Variants in SLC22A15 observed in about 807,000 individuals in gnomAD.
The protein encoded by SLC22A15 is solute carrier family 22 member 15, also known as flipt 1.
SLC22A15 carries 45 observed loss-of-function variants against 62.7 expected under a neutral mutation model. The observed-to-expected ratio is 0.72, with a 90% CI of 0.56 to 0.92. The LOEUF (loss-of-function observed/expected upper bound fraction) is 0.92. Ranked by LOEUF, SLC22A15 falls within the 40% of genes least tolerant of loss-of-function variation. The pLI, the probability that SLC22A15 is intolerant of heterozygous loss-of-function variation, is 0.00. For synonymous variants in SLC22A15, 264 were observed against 267.0 expected, an observed-to-expected ratio of 0.99 and a Z score of 0.11; for missense variants, 622 against 665.6, an observed-to-expected ratio of 0.93 and a Z score of 0.72.
In SLC22A15 at chr1:116,046,778, C is replaced by G. The variant is rs1053835678; in HGVS notation, c.1171+9390C>G. Among the ~76,000 whole-genome samples the G allele has an allele frequency of 1.7e-4, 26 of 152,330 alleles. 1 individual carries two copies. The highest frequency in any genetic ancestry group is 5.9e-4 in the Admixed American group (9 of 15,298). On this transcript the variant is annotated intron_variant, in intron 8 of 11. Transcript: ENST00000369503. ...ATCCTCCTCTCCTGAACACATACCC[C>G]CACTGGAGAAACTGCAGGAGAAGTT... is the stretch of plus-strand genomic sequence containing the variant.
intron 5 of SLC22A15, among the ~76,000 whole-genome samples, chr1:116,027,927 A>T (rs1158543143): frequency 6.6e-6 from 1 of 152,150 alleles, no homozygotes; most frequent in Non-Finnish European, 1.5e-5. Flanking sequence ...GCCTGGCAGA[A>T]TTTTTTAAGT....
Position 116,035,299 on chromosome 1 carries a change from C to T in SLC22A15, c.1057C>T (p.Leu353Phe). The T allele has an allele frequency of 1.2e-6, 2 of 1,612,800 alleles. No homozygotes were observed. Among genetic ancestry groups the T allele is most frequent in the African/African-American group, 1.3e-5 (1 of 74,962 alleles). ...SGLIEIPSYP[L>F]CIYLINQKWF... The stretch of plus-strand genomic sequence containing the variant: ...CCTCATAGAGATTCCATCTTACCCT[C>T]TCTGTATCTACTTGATTAACCAAAA... Residue 353 changes from leucine (L) to phenylalanine (F), a missense_variant, in exon 7 of 12, where the codon CTC becomes TTC. Leu to Phe is a conservative substitution (Grantham distance 22, BLOSUM62 0). Transcript: ENST00000369503.
intron 2 of SLC22A15, among the ~76,000 whole-genome samples, chr1:116,002,017 G>T (rs1655762209): frequency 6.6e-6 from 1 of 152,166 alleles, no homozygotes; most frequent in African/African-American, 2.4e-5. Context: ...TGAGTGTTAT[G>T]ATCTAAGTTT....
chr1:116,024,684 T>C (rs933619399), intron 4 of SLC22A15, among the ~76,000 whole-genome samples: 1 of 152,208 alleles, frequency 6.6e-6, no homozygotes, highest in Non-Finnish European at 1.5e-5. Flanking sequence ...GCGTTGAAGA[T>C]GCCCAGAACC....
At chr1:116,046,749 G>A (rs1446473845) in intron 8 of SLC22A15, among the ~76,000 whole-genome samples, 4 of 152,154 alleles carry the variant, frequency 2.6e-5, no homozygotes, top group Non-Finnish European at 5.9e-5. Flanking sequence ...AGTGGGAAAG[G>A]GAGATCCTCC....
chr1:116,062,165 C>T (rs949313233), intron 8 of SLC22A15, among the ~76,000 whole-genome samples: 3 of 152,074 alleles, frequency 2.0e-5, no homozygotes, highest in Admixed American at 1.3e-4. Flanking sequence ...GGTGAGATCG[C>T]GCTGTGGCAC....
chr1:116,023,751 C>T (rs1656954945), intron 4 of SLC22A15, among the ~76,000 whole-genome samples: 1 of 152,020 alleles, frequency 6.6e-6, no homozygotes, highest in African/African-American at 2.4e-5. Context: ...TGGGGAGTAA[C>T]TATATTAAAT....
intron 8 of SLC22A15, among the ~76,000 whole-genome samples, chr1:116,052,052 G>C (rs933070713): frequency 6.6e-6 from 1 of 152,206 alleles, no homozygotes; most frequent in Non-Finnish European, 1.5e-5. Flanking sequence ...GACAGTGGGC[G>C]CAGGACAGTG....
chr1:116,062,887 G>A lies in SLC22A15; in HGVS notation c.1292+5G>A, dbSNP rs1165852502. 1.9e-6 allele frequency: 3 copies of A among 1,613,000 alleles called. No individual in the cohort carries two copies. Among genetic ancestry groups the A allele is most frequent in the South Asian group, 1.1e-5 (1 of 91,054 alleles). On this transcript the variant is annotated splice_donor_5th_base_variant and intron_variant, in intron 9 of 11. Coordinates refer to ENST00000369503, the MANE Select transcript of SLC22A15 (RefSeq NM_018420.3). ...GCTTTACCCTACAGTCATCAGGTACGTGTCTCACACAGCCTCATTCTTCAC... is the reference window on the plus strand; with the variant it reads ...GCTTTACCCTACAGTCATCAGGTACATGTCTCACACAGCCTCATTCTTCAC...
chr1:115,985,945 CA>C (rs35381675), intron 1 of SLC22A15, among the ~76,000 whole-genome samples: 36,261 of 113,974 alleles, frequency 0.32, 4,730 homozygotes, highest in East Asian at 0.54. Flanking sequence ...GACTCCATCT[CA>C]AAAAAAAAAA....
chr1:116,061,673 G>A (rs1658381893), intron 8 of SLC22A15, among the ~76,000 whole-genome samples: 1 of 142,118 alleles, frequency 7.0e-6, no homozygotes, highest in Non-Finnish European at 1.5e-5. Flanking sequence ...AAGGGGAGAG[G>A]TTAAACTTTT....
intron 4 of SLC22A15, among the ~76,000 whole-genome samples, chr1:116,024,298 G>T (rs1451713974): frequency 6.6e-6 from 1 of 152,146 alleles, no homozygotes; most frequent in African/African-American, 2.4e-5. Flanking sequence ...AGACTTCATG[G>T]TCTGTATTTG....
intron 8 of SLC22A15, among the ~76,000 whole-genome samples, chr1:116,052,052 G>T (rs933070713): frequency 6.6e-6 from 1 of 152,206 alleles, no homozygotes; most frequent in South Asian, 2.1e-4. Context: ...GACAGTGGGC[G>T]CAGGACAGTG....
At chr1:115,991,831 T>C (rs941710051) in intron 1 of SLC22A15, among the ~76,000 whole-genome samples, 200 bp from the exon 2 acceptor site, 2 of 152,242 alleles carry the variant, frequency 1.3e-5, no homozygotes, top group African/African-American at 4.8e-5. Flanking sequence ...CAAGTGGGAT[T>C]GCCAATGATT....
intron 4 of SLC22A15, among the ~76,000 whole-genome samples, chr1:116,025,846 T>C (rs1041980409): frequency 6.6e-6 from 1 of 152,202 alleles, no homozygotes; most frequent in East Asian, 1.9e-4. Context: ...GTGGCACTTA[T>C]AGAAAGTGTG....
chr1:116,043,417 C>T lies in SLC22A15; in HGVS notation c.1171+6029C>T, dbSNP rs367827513. ...CTCTAGCCTGGGTGAAAGAGTGAGA[C>T]TGTGTCTCAAAAAAATATAAAGTAT... On this transcript the variant is annotated intron_variant, in intron 8 of 11. Coordinates refer to ENST00000369503, the MANE Select transcript of SLC22A15 (RefSeq NM_018420.3). 1.1e-3 allele frequency among the ~76,000 whole-genome samples: 169 copies of T among 152,056 alleles called. 4 individuals carry two copies. In the South Asian group the frequency reaches 0.033, roughly 30 times the overall value.
rs1655162000 is a variant in SLC22A15 at position 115,992,015 on chromosome 1, G to A, written c.88-16G>A. ...AAATATCTGCAGTGTTTGGTTCTGTGTGTTTGCTCTTTCAGCTCTACGTGG... is the reference window on the plus strand; with the variant it reads ...AAATATCTGCAGTGTTTGGTTCTGTATGTTTGCTCTTTCAGCTCTACGTGG... On this transcript the variant is annotated splice_polypyrimidine_tract_variant and intron_variant, in intron 1 of 11. Transcript: ENST00000369503. The A allele has an allele frequency of 6.8e-6, 11 of 1,610,680 alleles. No homozygotes were observed. The highest frequency in any genetic ancestry group is 8.5e-6 in the Non-Finnish European group (10 of 1,178,052).
intron 5 of SLC22A15, among the ~76,000 whole-genome samples, chr1:116,027,738 G>C (rs1657167935): frequency 6.6e-6 from 1 of 151,922 alleles, no homozygotes. Context: ...TGATTCTCCT[G>C]CCTCAGCCTC....
chr1:116,052,443 T>C (rs899206904), intron 8 of SLC22A15, among the ~76,000 whole-genome samples: 20 of 152,224 alleles, frequency 1.3e-4, no homozygotes, highest in African/African-American at 4.3e-4. Context: ...GCCTGCCTCC[T>C]TCTGTAGGCT....
Sources: gnomAD v4.1 joint callset for allele counts (sites outside exome capture counted in the v4.1 genomes callset) on GRCh38, gnomAD v4.1.1 for gene constraint, MANE v1.5 for transcripts, NCBI Gene and HGNC (gene_info 2026-07-23, HGNC 2026-07-21) for gene names.